Variants in GALNT6 observed in about 807,000 individuals in gnomAD.
GALNT6 encodes the protein polypeptide N-acetylgalactosaminyltransferase 6.
Under a neutral mutation model 65.9 loss-of-function variants are expected in GALNT6, and 51 were observed. The ratio of observed to expected loss-of-function variants is 0.77; its 90% CI spans 0.62 to 0.98. The LOEUF (loss-of-function observed/expected upper bound fraction) is 0.98. Among genes scored for constraint, GALNT6 ranks in the 50% least tolerant of loss-of-function variants. The pLI is 0.00. For missense variants in GALNT6, 708 were observed against 803.3 expected, an observed-to-expected ratio of 0.88 and a Z score of 1.43; for synonymous variants, 323 against 315.1, an observed-to-expected ratio of 1.02 and a Z score of -0.26.
At chr12:51,373,910 A>G (rs762828623) in intron 4 of GALNT6, among the ~76,000 whole-genome samples, 3 of 152,060 alleles carry the variant, frequency 2.0e-5, no homozygotes, top group Non-Finnish European at 4.4e-5. Flanking sequence ...CCTAGGCTGG[A>G]GTACAATGGT....
At chr12:51,389,477 C>T (rs1947951497) in intron 2 of GALNT6, among the ~76,000 whole-genome samples, 1 of 152,260 alleles carries the variant, frequency 6.6e-6, no homozygotes, top group African/African-American at 2.4e-5. Context: ...CCAAAGCCCA[C>T]TCTCTTAACT....
intron 2 of GALNT6, chr12:51,382,429 G>C (rs1308162995): frequency 6.5e-6 from 1 of 152,908 alleles, no homozygotes; most frequent in African/African-American, 2.4e-5. Context: ...GGCAGAAATG[G>C]GCCGAACACT....
Position 51,357,370 on chromosome 12 carries a change from G to A in GALNT6, c.1581C>T (p.Cys527=). Residue 527 remains cysteine (C), a synonymous_variant, in exon 10 of 12, where the codon TGC becomes TGT. Coordinates refer to ENST00000356317, the MANE Select transcript of GALNT6 (RefSeq NM_007210.4). ...RGGKPLIMYS[C]HGLGGNQYFE... is the part of the protein sequence containing the mutation. ...ATACCTGGTTGCCGCCAAGGCCGTG[G>A]CAGGAGTACATGATGAGGGGCTTCC... 1 of 1,613,054 alleles carries A rather than the reference G, an allele frequency of 6.2e-7. No homozygotes were observed. Among genetic ancestry groups the A allele is most frequent in the South Asian group, 1.1e-5 (1 of 91,058 alleles).
chr12:51,360,788 T>C lies in GALNT6; in HGVS notation c.1100A>G (p.Glu367Gly), dbSNP rs1946899168. Residue 367 changes from glutamate to glycine, a missense_variant, in exon 7 of 12, where the codon GAG becomes GGG. Coordinates refer to ENST00000356317, the MANE Select transcript of GALNT6 (RefSeq NM_007210.4). ...GLFSISKSYF[E>G]HIGTYDNQME... is the part of the protein sequence containing the mutation. ...CTGATTATCATAGGTACCGATGTGC[T>C]CAAAGTAGGACTTGGAGATGGAGAA... The C allele has an allele frequency of 1.2e-6, 2 of 1,613,816 alleles. No individual in the cohort carries two copies.
At position 51,357,396 on chromosome 12, in the gene GALNT6, C is replaced by T. The variant is rs370169633; in HGVS notation, c.1555G>A (p.Gly519Arg). The T allele has an allele frequency of 1.2e-6, 2 of 1,613,946 alleles. No individual in the cohort carries two copies. The highest frequency in any genetic ancestry group is 2.7e-5 in the African/African-American group (2 of 74,912). The change falls in exon 10 of 12, where the codon GGG (glycine) becomes AGG (arginine). Residue 519 changes from glycine (G) to arginine (R), a missense_variant. Coordinates refer to ENST00000356317, the MANE Select transcript of GALNT6 (RefSeq NM_007210.4). ...CLDVGENNRGGKPLIMYSCHG... is the reference protein window; with the variant it reads ...CLDVGENNRGRKPLIMYSCHG... Reference sequence around the variant, plus strand: ...CAGGAGTACATGATGAGGGGCTTCCCCCCGCGGTTGTTCTCACCCACATCC... The same window carrying T: ...CAGGAGTACATGATGAGGGGCTTCCTCCCGCGGTTGTTCTCACCCACATCC...
chr12:51,381,702 G>A (rs944036016), intron 2 of GALNT6, among the ~76,000 whole-genome samples: 8 of 152,206 alleles, frequency 5.3e-5, no homozygotes, highest in Admixed American at 1.3e-4. Flanking sequence ...TAAAGTGGGG[G>A]CAACTAATAC....
rs774318636 is a variant in GALNT6 at position 51,354,331 on chromosome 12, T to A, written c.*48A>T. The A allele has an allele frequency of 9.6e-7, 1 of 1,045,188 alleles. No homozygotes were observed. The highest frequency in any genetic ancestry group is 1.7e-5 in the African/African-American group (1 of 59,398). 64.7% of individuals were successfully genotyped at this position (1,045,188 alleles called of 1,614,324 possible). A position where few individuals can be genotyped will look rare whatever the true frequency, so the allele number is the denominator to read the frequency against. On this transcript the variant is annotated 3_prime_UTR_variant, in exon 12 of 12. Transcript: ENST00000356317. ...TCAGGTTCCCAGACATCAGCAATCC[T>A]GTTTCCTGAGGAGCTTGTGGGGGCT...
chr12:51,390,013 C>T (rs1947983532), intron 2 of GALNT6, among the ~76,000 whole-genome samples: 1 of 152,082 alleles, frequency 6.6e-6, no homozygotes, highest in Non-Finnish European at 1.5e-5. Flanking sequence ...CCCTGGTGCC[C>T]CTGGAAGCAA....
Position 51,359,261 on chromosome 12 carries a change from G to T in GALNT6, c.1239C>A (p.Ser413Arg). Residue 413 changes from serine (S) to arginine (R), a missense_variant, in exon 8 of 12, where the codon AGC becomes AGA. Coordinates refer to ENST00000356317, the MANE Select transcript of GALNT6 (RefSeq NM_007210.4). ...SVVGHVFRTK[S>R]PHTFPKGTSV... ...TAGTGCCCTTGGGGAAGGTGTGGGG[G>T]CTCTTGGTCCGGAACACATGGCCTA... 1.2e-6 allele frequency: 2 copies of T among 1,614,080 alleles called. No individual in the cohort carries two copies. Among genetic ancestry groups the T allele is most frequent in the Non-Finnish European group, 1.7e-6 (2 of 1,179,942 alleles).
intron 10 of GALNT6, 84 bp from the exon 11 acceptor site, chr12:51,356,042 G>T: frequency 8.0e-7 from 1 of 1,246,296 alleles, no homozygotes; most frequent in Admixed American, 1.8e-5. Flanking sequence ...TACCATGCAT[G>T]GTCTCCTGGG....
rs1036422580 is a variant in GALNT6, at chr12:51,352,150, T to A, written c.*2229A>T. ...GACAGTCAAAAGAAGCCTTCCCAGA[T>A]GAAATTTTAGTCCTCTGCGCAGCCA... On this transcript the variant is annotated 3_prime_UTR_variant, in exon 12 of 12. Transcript: ENST00000356317. The A allele has an allele frequency of 6.6e-6, 1 of 152,224 alleles. No individual in the cohort carries two copies. The highest frequency in any genetic ancestry group is 2.4e-5 in the African/African-American group (1 of 41,454). The allele number at this position is 152,224 out of a possible 1,614,324, so 9.4% of individuals were successfully genotyped here.
intron 4 of GALNT6, among the ~76,000 whole-genome samples, chr12:51,376,595 T>C (rs1387427954): frequency 6.7e-6 from 1 of 149,278 alleles, no homozygotes; most frequent in Non-Finnish European, 1.5e-5. Context: ...ATCACACCAT[T>C]GTACTCCAGC....
intron 4 of GALNT6, among the ~76,000 whole-genome samples, chr12:51,374,959 A>AT (rs368272070): frequency 4.7e-4 from 69 of 148,088 alleles, no homozygotes; most frequent in East Asian, 2.0e-3. Context: ...TCAATTCAAC[A>AT]TTTTTTTTTT....
intron 5 of GALNT6, among the ~76,000 whole-genome samples, chr12:51,364,919 G>C (rs1947044619): frequency 1.3e-5 from 2 of 152,182 alleles, no homozygotes; most frequent in South Asian, 4.1e-4. Flanking sequence ...GTGGGGCAGG[G>C]TCAGAATGCA....
intron 9 of GALNT6, 89 bp downstream of exon 9, chr12:51,358,041 G>A (rs1467387442): frequency 7.8e-7 from 1 of 1,287,524 alleles, no homozygotes; most frequent in Admixed American, 1.9e-5. Flanking sequence ...CTCAATTCTT[G>A]TTTGTCATCC....
At chr12:51,383,123 A>G (rs2137785650) in intron 2 of GALNT6, among the ~76,000 whole-genome samples, 1 of 152,332 alleles carries the variant, frequency 6.6e-6, no homozygotes, top group South Asian at 2.1e-4. Context: ...AGAGAGGTAG[A>G]GTTCCCTGTG....
chr12:51,390,156 C>CTTTCT lies in GALNT6; in HGVS notation c.-104+693_-104+694insAGAAA, dbSNP rs1413158644. Among the ~76,000 whole-genome samples the CTTTCT allele has an allele frequency of 5.5e-3, 637 of 116,286 alleles. 11 individuals carry two copies. The highest frequency in any genetic ancestry group is 0.015 in the African/African-American group (459 of 30,038). 76.3% of individuals were successfully genotyped at this position (116,286 alleles called of 152,430 possible). On this transcript the variant is annotated intron_variant, in intron 2 of 11. Transcript: ENST00000356317. ...AGCATATTTCTTTCTTTCTTTCTTT[C>CTTTCT]TTTTTTTTTTTTTTTTTTTTTTTGA...
chr12:51,381,149 A>T (rs1239739715), intron 2 of GALNT6, among the ~76,000 whole-genome samples: 2 of 152,206 alleles, frequency 1.3e-5, no homozygotes, highest in Non-Finnish European at 2.9e-5. Flanking sequence ...CTGAAGCAGG[A>T]GGACTGCTGG....
At chr12:51,364,418 C>A in intron 5 of GALNT6, 63 bp from the exon 6 acceptor site, 1 of 1,172,358 alleles carries the variant, frequency 8.5e-7, no homozygotes. Context: ...CAAGCTGCAT[C>A]CTGGAGGGAA....
Sources: allele counts gnomAD v4.1 joint callset (sites outside exome capture counted in the v4.1 genomes callset), GRCh38; gene constraint gnomAD v4.1.1; transcripts MANE v1.5; gene names NCBI Gene and HGNC (gene_info 2026-07-23, HGNC 2026-07-21).